MSRA: variants seen among roughly 807,000 people sequenced by gnomAD.
MSRA encodes the protein methionine sulfoxide reductase A, also known as mitochondrial peptide methionine sulfoxide reductase.
A neutral mutation model predicts 31.3 loss-of-function variants in MSRA; 54 were observed. That is an observed-to-expected ratio of 1.73 (90% CI 1.39 to 2.17). The LOEUF (loss-of-function observed/expected upper bound fraction) is 2.17, where lower values mean the gene tolerates loss of function less well. Among genes scored for constraint, MSRA ranks in the 30% most tolerant of loss-of-function variants. The pLI is 0.00. For missense variants in MSRA, 507 were observed against 300.9 expected, an observed-to-expected ratio of 1.69 and a Z score of -5.07; for synonymous variants, 169 against 116.5, an observed-to-expected ratio of 1.45 and a Z score of -2.90.
intron 5 of MSRA, among the ~76,000 whole-genome samples, chr8:10,343,150 C>G (rs556267320): frequency 6.6e-6 from 1 of 152,084 alleles, no homozygotes; most frequent in East Asian, 1.9e-4. Context: ...GAAATCATGA[C>G]CAGCTTTTCT....
intron 5 of MSRA, among the ~76,000 whole-genome samples, chr8:10,341,578 A>G (rs186486452): frequency 6.6e-6 from 1 of 152,290 alleles, no homozygotes; most frequent in Non-Finnish European, 1.5e-5. Flanking sequence ...TGATTTTCAT[A>G]CAGCGCTGGG....
intron 2 of MSRA, among the ~76,000 whole-genome samples, chr8:10,234,789 C>A (rs972719492): frequency 6.6e-6 from 1 of 151,894 alleles, no homozygotes; most frequent in African/African-American, 2.4e-5. Flanking sequence ...ATGTAGGTAT[C>A]TTAATATTAG....
intron 1 of MSRA, among the ~76,000 whole-genome samples, chr8:10,077,169 G>T (rs1012212052): frequency 1.3e-5 from 2 of 152,152 alleles, no homozygotes; most frequent in South Asian, 2.1e-4. Context: ...GAAATGGATG[G>T]TCGGCCACAG....
chr8:10,327,645 C>T (rs1410306566), intron 5 of MSRA, among the ~76,000 whole-genome samples: 2 of 152,134 alleles, frequency 1.3e-5, no homozygotes, highest in South Asian at 2.1e-4. Context: ...TACCAAATAA[C>T]CTACTTGGCT....
At chr8:10,236,546 A>G (rs1811959922) in intron 2 of MSRA, among the ~76,000 whole-genome samples, 1 of 152,176 alleles carries the variant, frequency 6.6e-6, no homozygotes, top group Non-Finnish European at 1.5e-5. Flanking sequence ...ACAAATATTT[A>G]AGATCTTTAT....
At chr8:10,339,927 G>A (rs1415932645) in intron 5 of MSRA, among the ~76,000 whole-genome samples, 1 of 152,072 alleles carries the variant, frequency 6.6e-6, no homozygotes, top group South Asian at 2.1e-4. Context: ...CTGTTCTCAG[G>A]CCCTACCCCA....
intron 1 of MSRA, among the ~76,000 whole-genome samples, chr8:10,204,035 G>C (rs181444509): frequency 1.4e-4 from 22 of 151,846 alleles, no homozygotes; most frequent in African/African-American, 5.1e-4. Flanking sequence ...TTTAAAAATA[G>C]GAAGAAGTTT....
At chr8:10,199,187 G>C (rs945842704) in intron 1 of MSRA, among the ~76,000 whole-genome samples, 4 of 152,144 alleles carry the variant, frequency 2.6e-5, no homozygotes, top group African/African-American at 9.7e-5. Context: ...GGGCCGCTGG[G>C]TTCCTCTTGC....
intron 2 of MSRA, among the ~76,000 whole-genome samples, chr8:10,218,707 C>T (rs1810224957): frequency 6.6e-6 from 1 of 152,118 alleles, no homozygotes; most frequent in African/African-American, 2.4e-5. Context: ...ACGTGTATTC[C>T]CAAGTGTCAG....
intron 3 of MSRA, among the ~76,000 whole-genome samples, chr8:10,246,272 C>G (rs1229630661): frequency 3.9e-5 from 6 of 152,306 alleles, no homozygotes; most frequent in Admixed American, 1.3e-4. Flanking sequence ...ATTTGCTGAC[C>G]TCTATTCTAG....
intron 5 of MSRA, among the ~76,000 whole-genome samples, chr8:10,360,828 T>A (rs1170011882): frequency 6.6e-6 from 1 of 152,156 alleles, no homozygotes; most frequent in East Asian, 1.9e-4. Flanking sequence ...TGCCTGTGTA[T>A]GGAGATAATG....
At chr8:10,066,178 G>T (rs1193730935) in intron 1 of MSRA, among the ~76,000 whole-genome samples, 1 of 151,980 alleles carries the variant, frequency 6.6e-6, no homozygotes, top group African/African-American at 2.4e-5. Context: ...CGCCCAGCAG[G>T]GTTTCCCCAT....
At chr8:10,151,581 C>T (rs1269727121) in intron 1 of MSRA, among the ~76,000 whole-genome samples, 2 of 151,840 alleles carry the variant, frequency 1.3e-5, no homozygotes, top group African/African-American at 4.8e-5. Context: ...ACCCGGGAGG[C>T]GGAGCTTGCA....
intron 5 of MSRA, among the ~76,000 whole-genome samples, chr8:10,377,665 G>C (rs1805830165): frequency 6.6e-6 from 1 of 152,286 alleles, no homozygotes; most frequent in African/African-American, 2.4e-5. Flanking sequence ...CAGAGCTTGG[G>C]AGCAAGCGGT....
intron 1 of MSRA, among the ~76,000 whole-genome samples, chr8:10,063,179 C>T (rs1374369399): frequency 6.6e-6 from 1 of 152,202 alleles, no homozygotes; most frequent in African/African-American, 2.4e-5. Flanking sequence ...TCTCAAATCC[C>T]AGAAGCCGCA....
intron 3 of MSRA, among the ~76,000 whole-genome samples, chr8:10,257,792 G>C (rs79877903): frequency 0.015 from 2,214 of 152,238 alleles, 55 homozygotes; most frequent in African/African-American, 0.051. Context: ...GACTTGCCTT[G>C]GTTCAAGAAT....
intron 1 of MSRA, among the ~76,000 whole-genome samples, chr8:10,191,525 CA>C (rs1807504184): frequency 6.6e-6 from 1 of 152,202 alleles, no homozygotes; most frequent in East Asian, 1.9e-4. Flanking sequence ...AGAATTATTA[CA>C]AAAGTGCTAA....
intron 4 of MSRA, among the ~76,000 whole-genome samples, chr8:10,316,440 G>T (rs1378295860): frequency 6.6e-6 from 1 of 151,564 alleles, no homozygotes; most frequent in Non-Finnish European, 1.5e-5. Context: ...TATCCTCCAA[G>T]TATTTGCAGA....
chr8:10,362,626 TC>T (rs940431724), intron 5 of MSRA, among the ~76,000 whole-genome samples: 27 of 151,906 alleles, frequency 1.8e-4, no homozygotes, highest in African/African-American at 6.3e-4. Flanking sequence ...GAGTCCAGGG[TC>T]CACAGGGAGA....
Sources: gnomAD v4.1 joint callset for allele counts (sites outside exome capture counted in the v4.1 genomes callset) on GRCh38, gnomAD v4.1.1 for gene constraint, MANE v1.5 for transcripts, NCBI Gene and HGNC (gene_info 2026-07-23, HGNC 2026-07-21) for gene names.